Variants in SERINC1 observed in about 807,000 individuals in gnomAD.
The protein encoded by SERINC1 is serine incorporator 1.
In SERINC1, 38 loss-of-function variants were observed where a neutral mutation model predicts 52.9. The ratio of observed to expected loss-of-function variants is 0.72; its 90% CI spans 0.55 to 0.94. The LOEUF is 0.94. Among genes scored for constraint, SERINC1 ranks in the 40% least tolerant of loss-of-function variants. The pLI, the probability that SERINC1 is intolerant of heterozygous loss-of-function variation, is 0.00. For synonymous variants in SERINC1, 198 were observed against 183.1 expected, an observed-to-expected ratio of 1.08 and a Z score of -0.66; for missense variants, 471 against 533.9, an observed-to-expected ratio of 0.88 and a Z score of 1.16.
intron 5 of SERINC1, among the ~76,000 whole-genome samples, chr6:122,452,758 T>C (rs1232455707): frequency 1.3e-5 from 2 of 151,088 alleles, no homozygotes; most frequent in African/African-American, 2.4e-5. Flanking sequence ...ACAGAAACCC[T>C]TGCATTAGAC....
intron 9 of SERINC1, among the ~76,000 whole-genome samples, chr6:122,446,492 G>A (rs1256473449): frequency 4.6e-5 from 7 of 151,820 alleles, no homozygotes; most frequent in Non-Finnish European, 2.9e-5. Context: ...AAAAAAAAAT[G>A]TTAGATCCAC....
At chr6:122,447,992 T>C in intron 7 of SERINC1, among the ~76,000 whole-genome samples, 1 of 151,814 alleles carries the variant, frequency 6.6e-6, no homozygotes, top group Admixed American at 6.6e-5. Flanking sequence ...CATGTGCCTG[T>C]AGTCCCAGCT....
intron 1 of SERINC1, among the ~76,000 whole-genome samples, chr6:122,459,522 T>G (rs1775063054): frequency 6.6e-6 from 1 of 152,108 alleles, no homozygotes; most frequent in Admixed American, 6.6e-5. Context: ...TAAAGCTGCT[T>G]TATATTAAAC....
chr6:122,446,713 A>C (rs1774810382), intron 9 of SERINC1, 61 bp downstream of exon 9: 2 of 1,129,596 alleles, frequency 1.8e-6, no homozygotes, highest in Non-Finnish European at 2.7e-6. Context: ...ATGGTTTCAC[A>C]AGAGAATCAT....
intron 1 of SERINC1, among the ~76,000 whole-genome samples, chr6:122,466,352 T>C (rs1775191925): frequency 6.6e-6 from 1 of 152,152 alleles, no homozygotes; most frequent in Non-Finnish European, 1.5e-5. Context: ...CAGGCTGGAA[T>C]GTAGGCTTTA....
At chr6:122,467,563 C>T (rs887799621) in intron 1 of SERINC1, among the ~76,000 whole-genome samples, 6 of 152,004 alleles carry the variant, frequency 3.9e-5, no homozygotes, top group African/African-American at 7.3e-5. Flanking sequence ...GCTGAGATCG[C>T]GCCACTGCAC....
intron 2 of SERINC1, 31 bp from the exon 3 acceptor site, chr6:122,456,681 AT>A (rs750429636): frequency 6.6e-5 from 97 of 1,472,538 alleles, no homozygotes; most frequent in Middle Eastern, 2.2e-4. Context: ...ATGATCCATC[AT>A]TTTTTTTCAT....
In SERINC1 at chr6:122,453,925, C is replaced by T. The variant is rs1226977981; in HGVS notation, c.452-18G>A. ...AAACCACACTGAAAGGGAAAGAAAG[C>T]ATACATAAGTGATTGGTTAGTTTGA... On this transcript the variant is annotated intron_variant, in intron 4 of 9. Transcript: ENST00000339697. The T allele has an allele frequency of 1.3e-6, 2 of 1,557,536 alleles. No homozygotes were observed. The highest frequency in any genetic ancestry group is 1.7e-6 in the Non-Finnish European group (2 of 1,151,738).
chr6:122,470,131 G>A (rs1775254094), intron 1 of SERINC1, among the ~76,000 whole-genome samples: 1 of 152,180 alleles, frequency 6.6e-6, no homozygotes, highest in Non-Finnish European at 1.5e-5. Flanking sequence ...TTACACTTAA[G>A]CCCAGCAGTT....
intron 7 of SERINC1, among the ~76,000 whole-genome samples, chr6:122,448,301 G>GA (rs1562212710): frequency 1.3e-5 from 2 of 151,386 alleles, no homozygotes; most frequent in African/African-American, 4.8e-5. Context: ...CACCTACCTG[G>GA]AAAAAAACAG....
chr6:122,453,903 C>G lies in SERINC1; in HGVS notation c.456G>C (p.Trp152Cys), dbSNP rs935528532. The G allele has an allele frequency of 6.3e-7, 1 of 1,590,564 alleles. No individual in the cohort carries two copies. Among genetic ancestry groups the G allele is most frequent in the Admixed American group, 1.7e-5 (1 of 57,834 alleles). Reference sequence around the variant, plus strand: ...AGGCACCTGCCATGCCTACATAAAACCACACTGAAAGGGAAAGAAAGCATA... The same window carrying G: ...AGGCACCTGCCATGCCTACATAAAAGCACACTGAAAGGGAAAGAAAGCATA... Reference protein sequence around the residue: ...FIPEGTFTTVWFYVGMAGAFC... With the variant: ...FIPEGTFTTVCFYVGMAGAFC... The change falls in exon 5 of 10, where the codon TGG becomes TGC. Residue 152 changes from tryptophan to cysteine, a missense_variant. Physicochemically the swap from Trp to Cys is radical, Grantham distance 215. Coordinates refer to ENST00000339697, the MANE Select transcript of SERINC1 (RefSeq NM_020755.4).
intron 7 of SERINC1, among the ~76,000 whole-genome samples, chr6:122,449,780 G>T (rs1774872673): frequency 6.6e-6 from 1 of 152,220 alleles, no homozygotes; most frequent in Non-Finnish European, 1.5e-5. Flanking sequence ...ACTTTGGGAG[G>T]CTGAGGCGGG....
Position 122,446,861 on chromosome 6 carries a change from T to C in SERINC1, c.1139A>G (p.Asp380Gly). The change falls in exon 9 of 10, where the codon GAT becomes GGT. Residue 380 changes from aspartate to glycine, a missense_variant. Transcript: ENST00000339697. ...DVHRAVDNER[D>G]GVTYSYSFFH... The stretch of plus-strand genomic sequence containing the variant: ...GAAGGAATAACTGTAAGTGACACCA[T>C]CCCTTTCATTATCTACAGCTCGGTG... The C allele has an allele frequency of 6.2e-7, 1 of 1,614,000 alleles. No homozygotes were observed. Among genetic ancestry groups the C allele is most frequent in the Admixed American group, 1.7e-5 (1 of 60,014 alleles).
At chr6:122,469,660 A>G (rs574139560) in intron 1 of SERINC1, among the ~76,000 whole-genome samples, 36 of 152,192 alleles carry the variant, frequency 2.4e-4, no homozygotes, top group African/African-American at 8.7e-4. Context: ...AGTTCAAGCA[A>G]TTCTCCTGCC....
At chr6:122,452,332 AG>A (rs1283267644) in intron 5 of SERINC1, among the ~76,000 whole-genome samples, 78 of 152,332 alleles carry the variant, frequency 5.1e-4, no homozygotes, top group Middle Eastern at 3.4e-3. Context: ...TATCTATATT[AG>A]AGTTTACAAA....
At chr6:122,457,826 T>G (rs573479359) in intron 2 of SERINC1, among the ~76,000 whole-genome samples, 1 of 151,490 alleles carries the variant, frequency 6.6e-6, no homozygotes, top group Non-Finnish European at 1.5e-5. Context: ...TATATATACA[T>G]GTACACGATA....
At chr6:122,462,369 AT>A (rs1407490086) in intron 1 of SERINC1, among the ~76,000 whole-genome samples, 3 of 152,202 alleles carry the variant, frequency 2.0e-5, no homozygotes, top group African/African-American at 7.2e-5. Context: ...GTCCCAGCCA[AT>A]ATAATGAGGC....
In SERINC1 at chr6:122,451,646, A is replaced by C. The variant is rs765373913; in HGVS notation, c.850+18T>G. ...AACTGCAGAACCTTTAGGAACATGT[A>C]ATATAAATAAAACACACCTGGTTCA... is the stretch of plus-strand genomic sequence containing the variant. On this transcript the variant is annotated intron_variant, in intron 7 of 9. Coordinates refer to ENST00000339697, the MANE Select transcript of SERINC1 (RefSeq NM_020755.4). 1 of 910,172 alleles carries C rather than the reference A, an allele frequency of 1.1e-6. No homozygotes were observed. The highest frequency in any genetic ancestry group is 2.9e-5 in the East Asian group (1 of 34,878). The allele number at this position is 910,172 out of a possible 1,614,324, so 56.4% of individuals were successfully genotyped here.
At chr6:122,445,772 G>C (rs2114472317) in intron 9 of SERINC1, among the ~76,000 whole-genome samples, 1 of 148,016 alleles carries the variant, frequency 6.8e-6, no homozygotes, top group Non-Finnish European at 1.5e-5. Context: ...AGAACCAGCT[G>C]GTACTCGGGA....
Sources: gnomAD v4.1 joint callset for allele counts (sites outside exome capture counted in the v4.1 genomes callset) on GRCh38, gnomAD v4.1.1 for gene constraint, MANE v1.5 for transcripts, NCBI Gene and HGNC (gene_info 2026-07-23, HGNC 2026-07-21) for gene names.